THSD4: variants seen among roughly 807,000 people sequenced by gnomAD.
THSD4 encodes thrombospondin type 1 domain containing 4.
THSD4 carries 69 observed loss-of-function variants against 119.0 expected under a neutral mutation model. The ratio of observed to expected loss-of-function variants is 0.58; its 90% confidence interval spans 0.48 to 0.71. THSD4 has a LOEUF of 0.71. THSD4 is among the 30% of genes least tolerant of loss of function. THSD4 has a pLI of 0.00. For missense variants in THSD4, 1,393 were observed against 1,391.1 expected, an observed-to-expected ratio of 1.00 and a Z score of -0.02; for synonymous variants, 524 against 540.4, an observed-to-expected ratio of 0.97 and a Z score of 0.42.
Position 71,366,037 on chromosome 15 carries a change from C to T in THSD4, c.1016-45650C>T, listed in dbSNP as rs1409180353. Among the ~76,000 whole-genome samples the T allele has an allele frequency of 3.9e-5, 6 of 152,100 alleles. No homozygotes were observed. In the East Asian group the frequency reaches 1.2e-3, roughly 29 times the overall value. ...CCTTCTTGCTGTCCTTTCACACATC[C>T]TCCCTCCTACTTGTGTCCCAGGTTT... On this transcript the variant is annotated intron_variant, in intron 6 of 17. Transcript: ENST00000261862.
chr15:71,526,653 C>G (rs947871519), intron 7 of THSD4, among the ~76,000 whole-genome samples: 3 of 152,198 alleles, frequency 2.0e-5, no homozygotes, highest in African/African-American at 7.2e-5. Flanking sequence ...GAAGCTTAAT[C>G]TCTCACTTGT....
At chr15:71,644,124 A>T (rs1363462487) in intron 7 of THSD4, among the ~76,000 whole-genome samples, 2 of 152,208 alleles carry the variant, frequency 1.3e-5, no homozygotes, top group African/African-American at 4.8e-5. Context: ...TGACTGTCCA[A>T]GGTCTCAACA....
At chr15:71,776,825 T>G (rs1214748520) in intron 17 of THSD4, among the ~76,000 whole-genome samples, 1 of 152,212 alleles carries the variant, frequency 6.6e-6, no homozygotes, top group Non-Finnish European at 1.5e-5. Flanking sequence ...ACAAATTCAA[T>G]GTCGAGCAAG....
chr15:71,531,625 A>G (rs1414629996), intron 7 of THSD4, among the ~76,000 whole-genome samples: 1 of 152,186 alleles, frequency 6.6e-6, no homozygotes, highest in African/African-American at 2.4e-5. Flanking sequence ...CCTTGACCTG[A>G]CCTGTCCACT....
At chr15:71,519,205 T>C (rs566885665) in intron 7 of THSD4, among the ~76,000 whole-genome samples, 14 of 152,140 alleles carry the variant, frequency 9.2e-5, no homozygotes, top group African/African-American at 3.4e-4. Flanking sequence ...GTGCCATGTC[T>C]TTCAGGAGCA....
chr15:71,199,852 A>G lies in THSD4; in HGVS notation c.100-15183A>G, dbSNP rs372614229. Among the ~76,000 whole-genome samples, 309 of 83,878 alleles carry G rather than the reference A, an allele frequency of 3.7e-3. 2 individuals carry two copies. The East Asian group carries it at 0.04, about 11-fold the overall frequency. The allele number at this position is 83,878 out of a possible 152,430, so 55.0% of individuals were successfully genotyped here. On this transcript the variant is annotated intron_variant, in intron 3 of 17. Coordinates refer to ENST00000261862, the MANE Select transcript of THSD4 (RefSeq NM_024817.3). ...GGTGTGTGTGTGTGTGCTGTGTGTGATGCATGTGTGGGGTGTGTGTGTGTG... is the reference window on the plus strand; with the variant it reads ...GGTGTGTGTGTGTGTGCTGTGTGTGGTGCATGTGTGGGGTGTGTGTGTGTG...
chr15:71,590,417 A>G (rs2049771335), intron 7 of THSD4, among the ~76,000 whole-genome samples: 1 of 137,484 alleles, frequency 7.3e-6, no homozygotes, highest in African/African-American at 2.5e-5. Context: ...AGGAACACGG[A>G]TGGAGCTGGA....
chr15:71,736,768 A>G (rs1003965212), intron 10 of THSD4, among the ~76,000 whole-genome samples: 5 of 152,146 alleles, frequency 3.3e-5, no homozygotes, highest in African/African-American at 9.7e-5. Context: ...ATGAAAGCCT[A>G]GGCTTTGCAC....
intron 1 of THSD4, among the ~76,000 whole-genome samples, chr15:71,125,556 C>T (rs192167346): frequency 2.1e-4 from 32 of 152,366 alleles, no homozygotes; most frequent in African/African-American, 6.7e-4. Flanking sequence ...TTTCCCCTCC[C>T]GGGTCACCAG....
chr15:71,721,043 G>C (rs957143896), intron 8 of THSD4, among the ~76,000 whole-genome samples: 6 of 152,198 alleles, frequency 3.9e-5, no homozygotes, highest in Non-Finnish European at 7.3e-5. Flanking sequence ...GGAACAAGTG[G>C]TTGGGTCATC....
At chr15:71,564,633 ATT>A (rs1260188876) in intron 7 of THSD4, among the ~76,000 whole-genome samples, 2 of 137,662 alleles carry the variant, frequency 1.5e-5, no homozygotes, top group African/African-American at 5.5e-5. Context: ...TACAATATAT[ATT>A]GTATATTATA....
At chr15:71,664,178 T>C (rs958069584) in intron 8 of THSD4, among the ~76,000 whole-genome samples, 1 of 152,030 alleles carries the variant, frequency 6.6e-6, no homozygotes, top group Non-Finnish European at 1.5e-5. Context: ...GAGATGGGGT[T>C]TCACCGTGTT....
At chr15:71,207,239 C>T (rs1010582425) in intron 3 of THSD4, among the ~76,000 whole-genome samples, 1 of 152,190 alleles carries the variant, frequency 6.6e-6, no homozygotes, top group Non-Finnish European at 1.5e-5. Flanking sequence ...TCTCAAAGCT[C>T]GCCTGCTGTC....
chr15:71,111,056 G>A (rs2040300524), upstream of THSD4: 2 of 1,385,386 alleles, frequency 1.4e-6, no homozygotes, highest in South Asian at 1.4e-5. Flanking sequence ...ATGCCTCTTG[G>A]CTGTGAGTAT....
In THSD4 at chr15:71,757,977, CT is replaced by C; in HGVS notation, c.2492del (p.Leu831ArgfsTer47). On this transcript the variant is annotated frameshift_variant, in exon 15 of 18. Transcript: ENST00000261862. LOFTEE classifies it high-confidence loss of function. The part of the protein sequence containing the change: ...CMTNHVSSLP[L>X]EGCGNNRPAE... Reference sequence around the variant, plus strand: ...GACCAACCATGTCAGCAGCCTGCCCCTGGAGGGCTGTGGGAACAACCGGCCG... The same window carrying C: ...GACCAACCATGTCAGCAGCCTGCCCCGGAGGGCTGTGGGAACAACCGGCCG... 6.2e-7 allele frequency: 1 copy of C among 1,614,166 alleles called. No homozygotes were observed. The highest frequency in any genetic ancestry group is 1.1e-5 in the South Asian group (1 of 91,080).
At chr15:71,145,766 G>A (rs184645399) in intron 2 of THSD4, among the ~76,000 whole-genome samples, 41 of 152,206 alleles carry the variant, frequency 2.7e-4, no homozygotes, top group Admixed American at 2.6e-3. Context: ...TAATTGTGTG[G>A]GGTCATGGAG....
chr15:71,566,005 A>C (rs1473580133), intron 7 of THSD4, among the ~76,000 whole-genome samples: 1 of 152,124 alleles, frequency 6.6e-6, no homozygotes, highest in Non-Finnish European at 1.5e-5. Flanking sequence ...CTGAAAGGGC[A>C]CTCCAAGTGC....
chr15:71,691,452 T>C (rs764651821), intron 8 of THSD4, among the ~76,000 whole-genome samples: 39 of 152,214 alleles, frequency 2.6e-4, no homozygotes, highest in Non-Finnish European at 5.0e-4. Context: ...TAGCTGATCG[T>C]TAAGGAGCAG....
chr15:71,238,585 C>T (rs1337918862), intron 4 of THSD4, among the ~76,000 whole-genome samples: 1 of 152,152 alleles, frequency 6.6e-6, no homozygotes, highest in Non-Finnish European at 1.5e-5. Context: ...ACTTCTTTCA[C>T]TTAGAATATT....
Sources: gnomAD v4.1 joint callset for allele counts (sites outside exome capture counted in the v4.1 genomes callset) on GRCh38, gnomAD v4.1.1 for gene constraint, MANE v1.5 for transcripts, NCBI Gene and HGNC (gene_info 2026-07-23, HGNC 2026-07-21) for gene names.